CDYL2: variants seen among roughly 807,000 people sequenced by gnomAD.
CDYL2 encodes the protein chromodomain Y-like protein 2.
A neutral mutation model predicts 49.4 loss-of-function variants in CDYL2; 23 were observed. The observed-to-expected ratio is 0.47, with a 90% CI of 0.34 to 0.66. The LOEUF is 0.66. Among genes scored for constraint, CDYL2 ranks in the 30% least tolerant of loss-of-function variants. The pLI is 0.01. For missense variants in CDYL2, 678 were observed against 656.4 expected, an observed-to-expected ratio of 1.03 and a Z score of -0.36; for synonymous variants, 360 against 268.8, an observed-to-expected ratio of 1.34 and a Z score of -3.32.
intron 1 of CDYL2, among the ~76,000 whole-genome samples, chr16:80,801,077 C>T (rs974691815): frequency 3.9e-4 from 60 of 152,216 alleles, no homozygotes; most frequent in African/African-American, 1.4e-3. Flanking sequence ...CTAGACCTGG[C>T]TCACAGGCTG....
chr16:80,662,569 C>T (rs1026446985), intron 2 of CDYL2, among the ~76,000 whole-genome samples: 21 of 152,104 alleles, frequency 1.4e-4, no homozygotes, highest in Admixed American at 1.0e-3. Context: ...CTGGGGTATA[C>T]GGATGGGCAG....
intron 1 of CDYL2, among the ~76,000 whole-genome samples, chr16:80,726,319 G>C (rs1237177470): frequency 6.6e-6 from 1 of 152,072 alleles, no homozygotes; most frequent in African/African-American, 2.4e-5. Flanking sequence ...TGAAATGAAA[G>C]ACTTCATAAA....
At chr16:80,779,771 T>C (rs116860114) in intron 1 of CDYL2, among the ~76,000 whole-genome samples, 497 of 152,222 alleles carry the variant, frequency 3.3e-3, no homozygotes, top group South Asian at 6.0e-3. Flanking sequence ...AGTTAATACA[T>C]ACACATTTGA....
rs1178085683 is a variant in CDYL2, at chr16:80,602,121, C to G, written c.*2267G>C. The G allele has an allele frequency of 2.0e-5, 3 of 152,212 alleles. No individual in the cohort carries two copies. The highest frequency in any genetic ancestry group is 4.4e-5 in the Non-Finnish European group (3 of 68,032). 9.4% of individuals were successfully genotyped at this position (152,212 alleles called of 1,614,324 possible). ...AATTTAGCAGTAGTGAAGACACTGTCTGCCACAATATGTAAGAACCAGGGT... is the reference window on the plus strand; with the variant it reads ...AATTTAGCAGTAGTGAAGACACTGTGTGCCACAATATGTAAGAACCAGGGT... On this transcript the variant is annotated 3_prime_UTR_variant, in exon 7 of 7. Transcript: ENST00000570137.
chr16:80,774,790 G>T (rs1211799150), intron 1 of CDYL2, among the ~76,000 whole-genome samples: 1 of 151,874 alleles, frequency 6.6e-6, no homozygotes, highest in African/African-American at 2.4e-5. Context: ...AGGTCAATAG[G>T]AAGGTCAGAA....
At chr16:80,667,515 G>C (rs1466088508) in intron 2 of CDYL2, among the ~76,000 whole-genome samples, 1 of 151,998 alleles carries the variant, frequency 6.6e-6, no homozygotes, top group Non-Finnish European at 1.5e-5. Flanking sequence ...AGCTGGCTTC[G>C]GTGCCCTTAC....
chr16:80,680,338 TG>T (rs1403024946), intron 2 of CDYL2, among the ~76,000 whole-genome samples: 1 of 152,184 alleles, frequency 6.6e-6, no homozygotes, highest in Non-Finnish European at 1.5e-5. Context: ...AATGTGGACA[TG>T]GGGCCACAAG....
rs148266572 is a variant in CDYL2, at chr16:80,600,260, C to T, written c.*4128G>A. The T allele has an allele frequency of 1.1e-3, 174 of 152,204 alleles. No homozygotes were observed. The highest frequency in any genetic ancestry group is 3.9e-3 in the African/African-American group (161 of 41,544). The allele number at this position is 152,204 out of a possible 1,614,324, so 9.4% of individuals were successfully genotyped here. ...TATATTCTAATGAAAAAATTGGCACCAAACCAGTATGCTATTTTTCAAAAG... is the reference window on the plus strand; with the variant it reads ...TATATTCTAATGAAAAAATTGGCACTAAACCAGTATGCTATTTTTCAAAAG... On this transcript the variant is annotated 3_prime_UTR_variant, in exon 7 of 7. Coordinates refer to ENST00000570137, the MANE Select transcript of CDYL2 (RefSeq NM_152342.4).
chr16:80,630,390 G>C (rs1907507435), intron 3 of CDYL2, among the ~76,000 whole-genome samples: 1 of 152,212 alleles, frequency 6.6e-6, no homozygotes, highest in Non-Finnish European at 1.5e-5. Flanking sequence ...ATGAACTGGA[G>C]ACTTCACATG....
intron 1 of CDYL2, among the ~76,000 whole-genome samples, chr16:80,733,316 G>A (rs183599195): frequency 4.6e-4 from 70 of 152,322 alleles, no homozygotes; most frequent in African/African-American, 1.3e-3. Flanking sequence ...GCTGGGGAGC[G>A]GTCAGGGATG....
intron 3 of CDYL2, among the ~76,000 whole-genome samples, chr16:80,630,471 A>G (rs1214417645): frequency 6.6e-6 from 1 of 152,218 alleles, no homozygotes; most frequent in Non-Finnish European, 1.5e-5. Flanking sequence ...AAGTAGAAAG[A>G]ATCTAGGAAA....
At chr16:80,634,590 A>G (rs1325337614) in intron 2 of CDYL2, among the ~76,000 whole-genome samples, 1 of 152,230 alleles carries the variant, frequency 6.6e-6, no homozygotes, top group Admixed American at 6.5e-5. Flanking sequence ...ACACATGTAT[A>G]CATATGTAAC....
At chr16:80,681,983 C>A (rs1303687971) in intron 2 of CDYL2, among the ~76,000 whole-genome samples, 3 of 152,320 alleles carry the variant, frequency 2.0e-5, no homozygotes, top group East Asian at 1.9e-4. Context: ...TCCCACCCCC[C>A]ACACATTTGG....
chr16:80,684,784 G>A lies in CDYL2; in HGVS notation c.370C>T (p.Pro124Ser), dbSNP rs768952459. Residue 124 changes from proline (P) to serine (S), a missense_variant, in exon 2 of 7, where the codon CCC (proline) becomes TCC (serine). Pro to Ser is a moderately conservative substitution (Grantham distance 74, BLOSUM62 -1). Transcript: ENST00000570137. ...AKPKKGYSGK[P>S]SSGGDRATKT... ...GTGGCCCTGTCACCTCCTGAAGAGG[G>A]CTTGCCTGAATACCCTTTTTTTGGC... 8 of 1,614,092 alleles carry A rather than the reference G, an allele frequency of 5.0e-6. No individual in the cohort carries two copies. The highest frequency in any genetic ancestry group is 2.2e-5 in the East Asian group (1 of 44,884).
At chr16:80,750,051 G>A (rs1400283336) in intron 1 of CDYL2, among the ~76,000 whole-genome samples, 1 of 151,456 alleles carries the variant, frequency 6.6e-6, no homozygotes, top group East Asian at 1.9e-4. Flanking sequence ...CACTTGGACA[G>A]AGGAAGGGGA....
intron 1 of CDYL2, among the ~76,000 whole-genome samples, chr16:80,702,466 C>T (rs1298883948): frequency 2.6e-5 from 4 of 152,086 alleles, no homozygotes; most frequent in Non-Finnish European, 5.9e-5. Flanking sequence ...GAAAAGCAGA[C>T]AGGTCTGGAC....
At chr16:80,619,212 C>T (rs1031563920) in intron 4 of CDYL2, among the ~76,000 whole-genome samples, 2 of 152,176 alleles carry the variant, frequency 1.3e-5, no homozygotes, top group Non-Finnish European at 2.9e-5. Context: ...GCCCACACTC[C>T]AATCCAGGAT....
chr16:80,682,432 C>A (rs904973289), intron 2 of CDYL2, among the ~76,000 whole-genome samples: 10 of 152,196 alleles, frequency 6.6e-5, no homozygotes, highest in Admixed American at 6.5e-5. Flanking sequence ...AGGTCATGGA[C>A]CAGGGGGCAT....
At chr16:80,738,270 T>A (rs1032562633) in intron 1 of CDYL2, among the ~76,000 whole-genome samples, 2 of 152,218 alleles carry the variant, frequency 1.3e-5, no homozygotes, top group African/African-American at 4.8e-5. Context: ...CTATCACTGG[T>A]GGGCATTCGG....
Sources: allele counts gnomAD v4.1 joint callset (sites outside exome capture counted in the v4.1 genomes callset), GRCh38; gene constraint gnomAD v4.1.1; transcripts MANE v1.5; gene names NCBI Gene and HGNC (gene_info 2026-07-23, HGNC 2026-07-21).